Variants in IMMP2L observed in about 807,000 individuals in gnomAD.
IMMP2L encodes the protein inner mitochondrial membrane peptidase subunit 2, also known as mitochondrial inner membrane protease subunit 2.
A neutral mutation model predicts 19.3 loss-of-function variants in IMMP2L; 18 were observed. The observed-to-expected ratio is 0.93, with a 90% CI of 0.64 to 1.38. The LOEUF (loss-of-function observed/expected upper bound fraction) is 1.38. Ranked by LOEUF, IMMP2L falls within the 40% of genes most tolerant of loss-of-function variation. IMMP2L has a pLI of 0.00. For missense variants in IMMP2L, 233 were observed against 218.2 expected, an observed-to-expected ratio of 1.07 and a Z score of -0.43; for synonymous variants, 76 against 73.0, an observed-to-expected ratio of 1.04 and a Z score of -0.21.
chr7:111,262,055 A>G (rs1387515131), intron 3 of IMMP2L, among the ~76,000 whole-genome samples: 2 of 152,112 alleles, frequency 1.3e-5, no homozygotes, highest in East Asian at 1.9e-4. Flanking sequence ...AGGTAGTGGT[A>G]GTAGGGATGC....
rs1292083917 is a variant in IMMP2L at position 111,281,198 on chromosome 7, GA to G, written c.239+206039del. ...AGAAAGAAAGAAAGAAAGAAAGAAA[GA>G]AAGAAAGAAAGAAAGAAAAAGAAAG... On this transcript the variant is annotated intron_variant, in intron 3 of 5. Transcript: ENST00000405709. Among the ~76,000 whole-genome samples, 57 of 45,800 alleles carry G rather than the reference GA, an allele frequency of 1.2e-3. 2 individuals carry two copies. Among genetic ancestry groups the G allele is most frequent in the East Asian group, 0.012 (17 of 1,458 alleles). 30.0% of individuals were successfully genotyped at this position (45,800 alleles called of 152,430 possible). A position where few individuals can be genotyped will look rare whatever the true frequency, so the allele number is the denominator to read the frequency against.
At chr7:111,374,018 C>T (rs534811618) in intron 3 of IMMP2L, among the ~76,000 whole-genome samples, 1 of 151,822 alleles carries the variant, frequency 6.6e-6, no homozygotes, top group African/African-American at 2.4e-5. Context: ...TAGGTTTGCT[C>T]TGACCCTTCC....
At chr7:111,340,891 T>C (rs752722485) in intron 3 of IMMP2L, among the ~76,000 whole-genome samples, 22 of 152,038 alleles carry the variant, frequency 1.4e-4, no homozygotes, top group Non-Finnish European at 2.4e-4. Flanking sequence ...ATCTAACCTA[T>C]GGAGACAAAA....
intron 5 of IMMP2L, among the ~76,000 whole-genome samples, chr7:110,831,929 G>T (rs1263499316): frequency 6.6e-6 from 1 of 152,136 alleles, no homozygotes; most frequent in Non-Finnish European, 1.5e-5. Flanking sequence ...GTCCCAGCAG[G>T]GTTTTTTTTA....
intron 2 of IMMP2L, among the ~76,000 whole-genome samples, chr7:111,498,417 C>T (rs946683208): frequency 6.6e-6 from 1 of 151,950 alleles, no homozygotes. Context: ...GGAAAAACCC[C>T]AGCAAGATAC....
chr7:111,119,563 G>A (rs1800331118), intron 3 of IMMP2L, among the ~76,000 whole-genome samples: 1 of 152,134 alleles, frequency 6.6e-6, no homozygotes, highest in African/African-American at 2.4e-5. Flanking sequence ...CTGGATTTTA[G>A]TAATATATGT....
chr7:111,038,856 T>C (rs1791607114), intron 3 of IMMP2L, among the ~76,000 whole-genome samples: 1 of 152,190 alleles, frequency 6.6e-6, no homozygotes, highest in Non-Finnish European at 1.5e-5. Flanking sequence ...AATTGAATAT[T>C]GGAAATTCTC....
intron 5 of IMMP2L, among the ~76,000 whole-genome samples, chr7:110,848,371 C>T (rs1805876073): frequency 6.6e-6 from 1 of 152,072 alleles, no homozygotes; most frequent in South Asian, 2.1e-4. Context: ...CCACCACACG[C>T]CTATCAGGAG....
At chr7:111,237,224 A>T (rs553272596) in intron 3 of IMMP2L, among the ~76,000 whole-genome samples, 1 of 152,294 alleles carries the variant, frequency 6.6e-6, no homozygotes, top group African/African-American at 2.4e-5. Flanking sequence ...GAAGCTAATT[A>T]AAATTAGAAA....
chr7:111,271,938 T>C (rs1158075412), intron 3 of IMMP2L, among the ~76,000 whole-genome samples: 1 of 152,150 alleles, frequency 6.6e-6, no homozygotes, highest in African/African-American at 2.4e-5. Context: ...TTCATCTCTA[T>C]TACCACACTA....
intron 5 of IMMP2L, among the ~76,000 whole-genome samples, chr7:110,812,842 AT>A: frequency 6.6e-6 from 1 of 152,062 alleles, no homozygotes; most frequent in Admixed American, 6.6e-5. Flanking sequence ...CCATGTATAG[AT>A]GATACTTCTT....
chr7:110,715,444 C>G (rs2130732998), intron 5 of IMMP2L, among the ~76,000 whole-genome samples: 1 of 152,226 alleles, frequency 6.6e-6, no homozygotes, highest in South Asian at 2.1e-4. Flanking sequence ...TTTGATACAT[C>G]CCAGAGATTT....
intron 3 of IMMP2L, among the ~76,000 whole-genome samples, chr7:111,145,141 A>G (rs1803330606): frequency 6.6e-6 from 1 of 152,128 alleles, no homozygotes; most frequent in African/African-American, 2.4e-5. Flanking sequence ...AGAGGAAACT[A>G]GAGAATATGC....
At chr7:110,882,362 T>TTC (rs1809771305) in intron 5 of IMMP2L, among the ~76,000 whole-genome samples, 1 of 138,744 alleles carries the variant, frequency 7.2e-6, no homozygotes, top group Non-Finnish European at 1.5e-5. Context: ...TCTCCCTCTC[T>TTC]CTCTCTCTCT....
intron 5 of IMMP2L, among the ~76,000 whole-genome samples, chr7:110,732,282 G>T (rs541976445): frequency 2.4e-4 from 36 of 152,274 alleles, no homozygotes; most frequent in African/African-American, 8.4e-4. Flanking sequence ...TATATGTCAA[G>T]CATATTCATT....
chr7:111,386,847 G>A (rs1831807462), intron 3 of IMMP2L, among the ~76,000 whole-genome samples: 1 of 152,018 alleles, frequency 6.6e-6, no homozygotes, highest in Non-Finnish European at 1.5e-5. Context: ...TAGCTGACAA[G>A]CAATTATATT....
At chr7:110,807,229 T>C (rs955389831) in intron 5 of IMMP2L, among the ~76,000 whole-genome samples, 4 of 151,994 alleles carry the variant, frequency 2.6e-5, no homozygotes, top group African/African-American at 9.7e-5. Context: ...ATTCTTCTAG[T>C]CCCTATGGAG....
chr7:111,388,061 A>G (rs1447540053), intron 3 of IMMP2L, among the ~76,000 whole-genome samples: 1 of 151,884 alleles, frequency 6.6e-6, no homozygotes, highest in African/African-American at 2.4e-5. Flanking sequence ...CCCATACCAA[A>G]TGCTACCTGC....
intron 3 of IMMP2L, among the ~76,000 whole-genome samples, chr7:111,231,147 T>C (rs927450671): frequency 2.0e-5 from 3 of 151,906 alleles, no homozygotes; most frequent in African/African-American, 7.3e-5. Context: ...CTATCTGCCT[T>C]TGCAAGTACT....
Sources: allele counts gnomAD v4.1 joint callset (sites outside exome capture counted in the v4.1 genomes callset), GRCh38; gene constraint gnomAD v4.1.1; transcripts MANE v1.5; gene names NCBI Gene and HGNC (gene_info 2026-07-23, HGNC 2026-07-21).